CHST9: variants seen among roughly 807,000 people sequenced by gnomAD.
The protein encoded by CHST9 is GalNAc-4-sulfotransferase 2.
Under a neutral mutation model 44.4 loss-of-function variants are expected in CHST9, and 41 were observed. The observed-to-expected ratio is 0.92, with a 90% CI of 0.72 to 1.20. The LOEUF is 1.20. Among genes scored for constraint, CHST9 ranks in the 50% most tolerant of loss-of-function variants. CHST9 has a pLI of 0.00. For missense variants in CHST9, 504 were observed against 516.5 expected (o/e 0.98, Z 0.23); for synonymous variants, 171 against 178.4 (o/e 0.96, Z 0.33).
chr18:27,035,671 CT>C (rs1223952610), intron 3 of CHST9, among the ~76,000 whole-genome samples: 1 of 152,026 alleles, frequency 6.6e-6, no homozygotes, highest in Non-Finnish European at 1.5e-5. Context: ...ACTTGGAGGA[CT>C]TTATGTTCAG....
At chr18:27,156,751 A>G (rs1298649788) in intron 1 of CHST9, among the ~76,000 whole-genome samples, 1 of 152,140 alleles carries the variant, frequency 6.6e-6, no homozygotes, top group African/African-American at 2.4e-5. Flanking sequence ...ATTAGCCACA[A>G]TGTAAAACAG....
intron 2 of CHST9, among the ~76,000 whole-genome samples, chr18:27,079,448 G>A (rs1256977012): frequency 1.3e-5 from 2 of 152,012 alleles, no homozygotes; most frequent in African/African-American, 4.8e-5. Flanking sequence ...CCTCTTTGAT[G>A]ATATAATATT....
chr18:26,951,199 T>TC (rs1309955999), intron 4 of CHST9, among the ~76,000 whole-genome samples: 4 of 152,174 alleles, frequency 2.6e-5, no homozygotes, highest in African/African-American at 9.6e-5. Flanking sequence ...TAACCCACTA[T>TC]CATCAACATG....
intron 5 of CHST9, among the ~76,000 whole-genome samples, chr18:26,942,230 C>A (rs558984427): frequency 1.3e-5 from 2 of 152,128 alleles, no homozygotes; most frequent in Admixed American, 6.5e-5. Context: ...GTATAAGATA[C>A]CTTTTTGAAT....
intron 5 of CHST9, 152 bp downstream of exon 5, chr18:26,944,177 T>C (rs1428204535): frequency 3.1e-6 from 2 of 640,092 alleles, no homozygotes; most frequent in Admixed American, 2.8e-5. Flanking sequence ...CATCTACATA[T>C]GACCAAATAT....
chr18:27,086,385 A>T (rs2058012892), intron 2 of CHST9, among the ~76,000 whole-genome samples: 3 of 152,320 alleles, frequency 2.0e-5, no homozygotes, highest in South Asian at 4.1e-4. Flanking sequence ...AAGTTTGGGG[A>T]TATTTGTTTT....
At chr18:27,005,473 T>C (rs1019466867) in intron 4 of CHST9, among the ~76,000 whole-genome samples, 1 of 152,212 alleles carries the variant, frequency 6.6e-6, no homozygotes, top group African/African-American at 2.4e-5. Context: ...AAATCGATGC[T>C]ATTTTTAGAT....
At chr18:27,120,748 A>T (rs2058367600) in intron 2 of CHST9, among the ~76,000 whole-genome samples, 1 of 152,200 alleles carries the variant, frequency 6.6e-6, no homozygotes, top group Non-Finnish European at 1.5e-5. Flanking sequence ...AGTTGTTGTC[A>T]GTATAAAAAG....
intron 2 of CHST9, among the ~76,000 whole-genome samples, chr18:27,087,190 C>G (rs1302357913): frequency 1.3e-5 from 2 of 152,280 alleles, no homozygotes; most frequent in African/African-American, 2.4e-5. Context: ...GGACTCTATT[C>G]TCTTTCCTAG....
chr18:27,157,546 A>T (rs146146723), intron 1 of CHST9, among the ~76,000 whole-genome samples: 135 of 152,272 alleles, frequency 8.9e-4, no homozygotes, highest in African/African-American at 3.0e-3. Flanking sequence ...CAGAGGTCCT[A>T]ATCCAGAAAT....
intron 2 of CHST9, among the ~76,000 whole-genome samples, chr18:27,087,481 A>AT (rs1158350209): frequency 3.9e-5 from 6 of 151,928 alleles, no homozygotes; most frequent in Non-Finnish European, 2.9e-5. Flanking sequence ...TCAATCATTC[A>AT]TTTTTTCTCC....
chr18:26,932,991 A>T (rs376530988), intron 5 of CHST9: 1 of 153,752 alleles, frequency 6.5e-6, no homozygotes, highest in Non-Finnish European at 1.5e-5. Flanking sequence ...ACCTTTATCC[A>T]GGCACTTTTC....
At chr18:27,108,787 T>C (rs925307658) in intron 2 of CHST9, among the ~76,000 whole-genome samples, 5 of 152,220 alleles carry the variant, frequency 3.3e-5, no homozygotes, top group South Asian at 4.1e-4. Flanking sequence ...AATATAAAGA[T>C]ACACTTAGTC....
At chr18:27,024,485 C>A (rs2057261984) in intron 3 of CHST9, among the ~76,000 whole-genome samples, 1 of 152,198 alleles carries the variant, frequency 6.6e-6, no homozygotes, top group Admixed American at 6.5e-5. Context: ...ACAAGGAAGA[C>A]AATTTCCTTT....
At chr18:27,014,056 A>C (rs1161260446) in intron 4 of CHST9, among the ~76,000 whole-genome samples, 3 of 152,224 alleles carry the variant, frequency 2.0e-5, no homozygotes, top group Non-Finnish European at 2.9e-5. Context: ...TTAAATAACA[A>C]GATTCAAGAA....
chr18:27,165,209 G>A (rs1400237919), intron 1 of CHST9, among the ~76,000 whole-genome samples: 1 of 152,176 alleles, frequency 6.6e-6, no homozygotes, highest in Non-Finnish European at 1.5e-5. Flanking sequence ...TTTAGACAAT[G>A]ATGAAGAGCT....
chr18:27,044,067 C>CG (rs544370557), intron 3 of CHST9, among the ~76,000 whole-genome samples: 13 of 124,910 alleles, frequency 1.0e-4, no homozygotes, highest in East Asian at 1.9e-4. Flanking sequence ...CCTTCCCCCC[C>CG]CTTTATTTTA....
chr18:26,975,723 GTGTATATATA>G (rs1205357061), intron 4 of CHST9, among the ~76,000 whole-genome samples: 21 of 59,346 alleles, frequency 3.5e-4, no homozygotes, highest in Admixed American at 1.5e-3. Context: ...GTGTGTGTGT[GTGTATATATA>G]TATATATATA....
At chr18:27,182,382 CTG>C in intron 1 of CHST9, among the ~76,000 whole-genome samples, 1 of 152,278 alleles carries the variant, frequency 6.6e-6, no homozygotes, top group African/African-American at 2.4e-5. Flanking sequence ...GTATAGAACA[CTG>C]TAGCTGGTGA....
Sources: gnomAD v4.1 joint callset for allele counts (sites outside exome capture counted in the v4.1 genomes callset) on GRCh38, gnomAD v4.1.1 for gene constraint, MANE v1.5 for transcripts, NCBI Gene and HGNC (gene_info 2026-07-23, HGNC 2026-07-21) for gene names.